The following RBFOX1 variants were observed in gnomAD, a reference collection of about 807,000 sequenced individuals.
The protein encoded by RBFOX1 is RNA binding fox-1 homolog 1, also known as RNA binding protein fox-1 homolog 1.
A neutral mutation model predicts 57.7 loss-of-function variants in RBFOX1; 8 were observed. The observed-to-expected ratio is 0.14, with a 90% CI of 0.08 to 0.25. The LOEUF (loss-of-function observed/expected upper bound fraction) is 0.25, where lower values mean the gene tolerates loss of function less well. Among genes scored for constraint, RBFOX1 ranks in the 10% least tolerant of loss-of-function variants. RBFOX1 has a pLI of 1.00. For missense variants in RBFOX1, 611 were observed against 548.5 expected (o/e 1.11, Z -1.14); for synonymous variants, 326 against 222.4 (o/e 1.47, Z -4.15).
chr16:5,454,845 C>CT (rs201097346), intron 1 of RBFOX1, among the ~76,000 whole-genome samples: 50 of 78,060 alleles, frequency 6.4e-4, no homozygotes, highest in Non-Finnish European at 1.0e-3. Flanking sequence ...TCTTTCCTTT[C>CT]TTTCTTTCTT....
At chr16:6,809,596 C>G (rs544485721) in intron 3 of RBFOX1, among the ~76,000 whole-genome samples, 21 of 152,088 alleles carry the variant, frequency 1.4e-4, no homozygotes, top group Admixed American at 1.3e-3. Context: ...GTGCCATAAC[C>G]TTGGTACAGA....
intron 13 of RBFOX1, among the ~76,000 whole-genome samples, chr16:7,666,324 G>C (rs2069247838): frequency 6.6e-6 from 1 of 151,828 alleles, no homozygotes; most frequent in African/African-American, 2.4e-5. Context: ...ATAGACAAGG[G>C]ATAGAGAAAT....
intron 4 of RBFOX1, among the ~76,000 whole-genome samples, chr16:7,231,929 G>A (rs1168031098): frequency 6.6e-6 from 1 of 152,138 alleles, no homozygotes; most frequent in Non-Finnish European, 1.5e-5. Flanking sequence ...CATTAAATAG[G>A]TACAGATTTT....
chr16:7,379,040 C>A (rs893352079), intron 4 of RBFOX1, among the ~76,000 whole-genome samples: 5 of 152,140 alleles, frequency 3.3e-5, no homozygotes, highest in African/African-American at 1.2e-4. Context: ...TATGACCTGG[C>A]AATATTAACA....
At chr16:6,673,071 G>C (rs1416002870) in intron 3 of RBFOX1, among the ~76,000 whole-genome samples, 1 of 152,212 alleles carries the variant, frequency 6.6e-6, no homozygotes, top group African/African-American at 2.4e-5. Flanking sequence ...CTTCTTACCA[G>C]AGTTGGAATA....
chr16:6,895,064 A>G (rs1209205800), intron 3 of RBFOX1, among the ~76,000 whole-genome samples: 1 of 152,162 alleles, frequency 6.6e-6, no homozygotes, highest in Admixed American at 6.5e-5. Context: ...AGATAAATAC[A>G]TCTTTAATAA....
intron 4 of RBFOX1, among the ~76,000 whole-genome samples, chr16:7,258,603 C>G (rs2094792653): frequency 2.6e-5 from 4 of 152,104 alleles, no homozygotes; most frequent in Admixed American, 2.6e-4. Context: ...TATTAGAGAT[C>G]TATATATCAT....
intron 2 of RBFOX1, among the ~76,000 whole-genome samples, chr16:6,594,380 C>T (rs555693175): frequency 2.0e-5 from 3 of 152,184 alleles, no homozygotes; most frequent in South Asian, 2.1e-4. Context: ...AATGCATGTG[C>T]GATTATAAAT....
At chr16:6,149,375 G>C (rs539519547) in intron 1 of RBFOX1, among the ~76,000 whole-genome samples, 1 of 152,350 alleles carries the variant, frequency 6.6e-6, no homozygotes, top group African/African-American at 2.4e-5. Flanking sequence ...GAACATTGAA[G>C]TTTTGCTAGG....
At chr16:5,358,908 C>T (rs1267599332) in intron 1 of RBFOX1, among the ~76,000 whole-genome samples, 7 of 152,170 alleles carry the variant, frequency 4.6e-5, no homozygotes, top group Admixed American at 1.3e-4. Flanking sequence ...TCTTATTCAT[C>T]CTTTGTATGT....
At chr16:5,423,961 G>A (rs565509704) in intron 1 of RBFOX1, among the ~76,000 whole-genome samples, 1 of 152,258 alleles carries the variant, frequency 6.6e-6, no homozygotes, top group East Asian at 1.9e-4. Flanking sequence ...ATTATTACCC[G>A]AAGCTCGGGG....
chr16:7,228,434 A>C (rs1167881061), intron 4 of RBFOX1, among the ~76,000 whole-genome samples: 2 of 152,198 alleles, frequency 1.3e-5, no homozygotes, highest in Non-Finnish European at 2.9e-5. Flanking sequence ...TGGCTCTCTT[A>C]ATCAGAGTAC....
intron 2 of RBFOX1, among the ~76,000 whole-genome samples, chr16:6,651,186 G>A (rs567542664): frequency 6.6e-6 from 1 of 152,270 alleles, no homozygotes; most frequent in South Asian, 2.1e-4. Flanking sequence ...GCAGGCGTGA[G>A]CCACCACACC....
At chr16:6,670,916 C>A (rs561074333) in intron 3 of RBFOX1, among the ~76,000 whole-genome samples, 5 of 152,064 alleles carry the variant, frequency 3.3e-5, no homozygotes, top group African/African-American at 1.2e-4. Context: ...AGGAGAGAGG[C>A]GTGAACCCAG....
chr16:5,709,362 T>G (rs1035366084), intron 3 of RBFOX1, among the ~76,000 whole-genome samples: 1 of 152,196 alleles, frequency 6.6e-6, no homozygotes, highest in Admixed American at 6.5e-5. Context: ...AGTGAGCATG[T>G]GCCTGAATAT....
At chr16:6,912,550 C>A (rs374753233) in intron 3 of RBFOX1, among the ~76,000 whole-genome samples, 1 of 151,948 alleles carries the variant, frequency 6.6e-6, no homozygotes, top group Non-Finnish European at 1.5e-5. Context: ...GGTTTAAATT[C>A]TTTTCTCTTT....
In RBFOX1 at chr16:7,117,782, C is replaced by G. The variant is rs868615705; in HGVS notation, c.27+65684C>G. The stretch of plus-strand genomic sequence containing the variant: ...ATCTAATAGACTGCAGTCAGGGTAT[C>G]AGCCAGGACTGGGTTCTCATTAGAG... On this transcript the variant is annotated intron_variant, in intron 4 of 15. Coordinates refer to ENST00000550418, the MANE Select transcript of RBFOX1 (RefSeq NM_018723.4). Among the ~76,000 whole-genome samples the G allele has an allele frequency of 5.8e-4, 89 of 152,286 alleles. 2 individuals carry two copies. The Middle Eastern group carries it at 0.017, about 29-fold the overall frequency.
At chr16:6,540,534 C>A (rs938558854) in intron 2 of RBFOX1, among the ~76,000 whole-genome samples, 40 of 143,618 alleles carry the variant, frequency 2.8e-4, no homozygotes, top group Non-Finnish European at 4.8e-4. Context: ...ATCGCTTGAA[C>A]CTGGGAGGCC....
chr16:7,318,429 T>G (rs192401636), intron 4 of RBFOX1, among the ~76,000 whole-genome samples: 17 of 152,212 alleles, frequency 1.1e-4, no homozygotes, highest in Non-Finnish European at 1.9e-4. Context: ...TAGAATAGTT[T>G]CACACATAAG....
Sources: gnomAD v4.1 joint callset for allele counts (sites outside exome capture counted in the v4.1 genomes callset) on GRCh38, gnomAD v4.1.1 for gene constraint, MANE v1.5 for transcripts, NCBI Gene and HGNC (gene_info 2026-07-23, HGNC 2026-07-21) for gene names.